Variants in DTNB observed in about 807,000 individuals in gnomAD.
The protein encoded by DTNB is dystrobrevin beta.
Under a neutral mutation model 90.7 loss-of-function variants are expected in DTNB, and 63 were observed. That is an observed-to-expected ratio of 0.69 (90% CI 0.57 to 0.86). The LOEUF (loss-of-function observed/expected upper bound fraction) is 0.86, where lower values mean the gene tolerates loss of function less well. Among genes scored for constraint, DTNB ranks in the 40% least tolerant of loss-of-function variants. DTNB has a pLI of 0.00. For synonymous variants in DTNB, 277 were observed against 286.7 expected (o/e 0.97, Z 0.34); for missense variants, 744 against 807.1 (o/e 0.92, Z 0.95).
chr2:25,645,751 G>T (rs1178042222), intron 2 of DTNB, among the ~76,000 whole-genome samples: 1 of 151,934 alleles, frequency 6.6e-6, no homozygotes, highest in Non-Finnish European at 1.5e-5. Flanking sequence ...CTTAAAAAAA[G>T]ATAATACTAA....
Position 25,482,698 on chromosome 2 carries a change from T to C in DTNB, c.1079+98A>G. On this transcript the variant is annotated intron_variant, in intron 10 of 20. Coordinates refer to ENST00000406818, the MANE Select transcript of DTNB (RefSeq NM_021907.5). ...GAAAGCAAACCAGTCCTTTCTGCCC[T>C]GTGGAACAACCTGCTTTTCAGGCCT... 3 of 1,212,004 alleles carry C rather than the reference T, an allele frequency of 2.5e-6. No individual in the cohort carries two copies. The South Asian group carries it at 3.7e-5, about 15-fold the overall frequency. The allele number at this position is 1,212,004 out of a possible 1,614,324, so 75.1% of individuals were successfully genotyped here.
intron 16 of DTNB, among the ~76,000 whole-genome samples, chr2:25,390,694 G>T (rs538819817): frequency 6.6e-6 from 1 of 151,856 alleles, no homozygotes; most frequent in Non-Finnish European, 1.5e-5. Context: ...TGATCCACCC[G>T]CCTCGGCCTC....
rs114098522 is a variant in DTNB at position 25,551,103 on chromosome 2, T to C, written c.877-19506A>G. ...CTTGATGCTGAGTTTTGGAAGAACT[T>C]CTTCTCACCCTGATCTTTTAGTTAA... On this transcript the variant is annotated intron_variant, in intron 8 of 20. Coordinates refer to ENST00000406818, the MANE Select transcript of DTNB (RefSeq NM_021907.5). Among the ~76,000 whole-genome samples the C allele has an allele frequency of 6.3e-3, 965 of 152,328 alleles. 11 individuals are homozygous for C. The highest frequency in any genetic ancestry group is 0.022 in the African/African-American group (915 of 41,560).
intron 2 of DTNB, among the ~76,000 whole-genome samples, chr2:25,639,899 A>T (rs2077880225): frequency 6.6e-6 from 1 of 152,208 alleles, no homozygotes; most frequent in African/African-American, 2.4e-5. Context: ...CAGTGAGAAG[A>T]TCGTACGAAG....
chr2:25,411,601 C>T (rs7580704), intron 16 of DTNB, among the ~76,000 whole-genome samples: 4,521 of 152,140 alleles, frequency 0.03, 102 homozygotes, highest in Non-Finnish European at 0.048. Flanking sequence ...GAGAGTCCTA[C>T]GTATAGCACA....
chr2:25,644,831 C>T (rs2079091322), intron 2 of DTNB, among the ~76,000 whole-genome samples: 1 of 152,054 alleles, frequency 6.6e-6, no homozygotes, highest in Admixed American at 6.5e-5. Context: ...AAATGACTTC[C>T]TTATCTTTTT....
Position 25,577,011 on chromosome 2 carries a change from G to A in DTNB, c.710-7C>T. 1 of 1,596,432 alleles carries A rather than the reference G, an allele frequency of 6.3e-7. No homozygotes were observed. Among genetic ancestry groups the A allele is most frequent in the East Asian group, 2.3e-5 (1 of 44,370 alleles). On this transcript the variant is annotated splice_region_variant and splice_polypyrimidine_tract_variant and intron_variant, in intron 7 of 20. Transcript: ENST00000406818. ...CACTCCACGGGATGGAAGACTTGTG[G>A]ACAGGAGAGAAAAGGGGAGAAAAAA...
chr2:25,428,979 C>A (rs1224384022), intron 14 of DTNB, among the ~76,000 whole-genome samples: 1 of 152,140 alleles, frequency 6.6e-6, no homozygotes, highest in Non-Finnish European at 1.5e-5. Flanking sequence ...TTCATCATCC[C>A]ATAATGATCT....
chr2:25,471,305 T>C (rs567086406), intron 10 of DTNB, among the ~76,000 whole-genome samples: 1 of 152,206 alleles, frequency 6.6e-6, no homozygotes, highest in East Asian at 1.9e-4. Context: ...CCCAGCGGGG[T>C]CTCGTCTTGA....
intron 8 of DTNB, among the ~76,000 whole-genome samples, chr2:25,546,135 GCATCAACCAATCAGAACTCAGCAAA>G (rs2082357062): frequency 1.3e-5 from 2 of 152,142 alleles, no homozygotes; most frequent in Non-Finnish European, 2.9e-5. Flanking sequence ...ACTGTGACTT[GCATCAACCAATCAGAACTCAGCAAA>G]CATCAACCAA....
At chr2:25,610,767 T>C (rs1411943818) in intron 4 of DTNB, among the ~76,000 whole-genome samples, 2 of 151,942 alleles carry the variant, frequency 1.3e-5, no homozygotes, top group Non-Finnish European at 1.5e-5. Context: ...TGGAGTGCAG[T>C]GGTGTGATCT....
chr2:25,494,868 AG>A (rs2068446765), intron 9 of DTNB, among the ~76,000 whole-genome samples: 2 of 152,002 alleles, frequency 1.3e-5, no homozygotes, highest in Non-Finnish European at 2.9e-5. Context: ...AGTTAGCGCT[AG>A]GAGGGGAACA....
chr2:25,558,036 T>A (rs2057661383), intron 8 of DTNB, among the ~76,000 whole-genome samples: 1 of 152,172 alleles, frequency 6.6e-6, no homozygotes. Context: ...AAGCCGGAAC[T>A]GTGAGAAAAC....
chr2:25,662,248 T>C (rs1471349788), intron 1 of DTNB, among the ~76,000 whole-genome samples: 1 of 151,776 alleles, frequency 6.6e-6, no homozygotes, highest in Non-Finnish European at 1.5e-5. Context: ...CATACAAGAA[T>C]GCTTATGATG....
intron 16 of DTNB, among the ~76,000 whole-genome samples, chr2:25,389,945 C>T (rs7558082): frequency 0.22 from 33,295 of 151,732 alleles, 4,629 homozygotes; most frequent in East Asian, 0.58. Flanking sequence ...TAATTAACCA[C>T]CCCAAATTGG....
At chr2:25,664,711 C>T (rs945548404) in intron 1 of DTNB, among the ~76,000 whole-genome samples, 26 of 152,146 alleles carry the variant, frequency 1.7e-4, no homozygotes, top group Non-Finnish European at 8.8e-5. Flanking sequence ...AAGACAAGAC[C>T]GTGCTGAGCT....
chr2:25,414,304 C>T (rs560626290), intron 16 of DTNB, among the ~76,000 whole-genome samples: 1 of 152,124 alleles, frequency 6.6e-6, no homozygotes, highest in African/African-American at 2.4e-5. Context: ...GGCTGAAGTG[C>T]GGAGTGCAGT....
intron 9 of DTNB, among the ~76,000 whole-genome samples, chr2:25,508,384 G>A (rs2073016169): frequency 6.6e-6 from 1 of 152,026 alleles, no homozygotes; most frequent in African/African-American, 2.4e-5. Flanking sequence ...AAAGGAAAGG[G>A]CTGTTAAATA....
At chr2:25,669,573 G>A (rs891431473) in intron 1 of DTNB, among the ~76,000 whole-genome samples, 2 of 152,132 alleles carry the variant, frequency 1.3e-5, no homozygotes, top group African/African-American at 4.8e-5. Flanking sequence ...TTAACAAAGG[G>A]AAAGAAAAGC....
Sources: allele counts gnomAD v4.1 joint callset (sites outside exome capture counted in the v4.1 genomes callset), GRCh38; gene constraint gnomAD v4.1.1; transcripts MANE v1.5; gene names NCBI Gene and HGNC (gene_info 2026-07-23, HGNC 2026-07-21).